The following HCN1 variants were observed in gnomAD, a reference collection of about 807,000 sequenced individuals.
HCN1 encodes hyperpolarization activated cyclic nucleotide gated potassium channel 1, also known as potassium/sodium hyperpolarization-activated cyclic nucleotide-gated channel 1.
In HCN1, 13 loss-of-function variants were observed where a neutral mutation model predicts 78.9. The ratio of observed to expected loss-of-function variants is 0.16; its 90% CI spans 0.11 to 0.26. The LOEUF is 0.26. Ranked by LOEUF, HCN1 falls within the 10% of genes least tolerant of loss-of-function variation. The probability of loss-of-function intolerance (pLI) is 1.00; values close to 1 mark genes in which losing one functional copy is unlikely to be tolerated. For synonymous variants in HCN1, 552 were observed against 455.5 expected (o/e 1.21, Z -2.70); for missense variants, 810 against 1,154.3 (o/e 0.70, Z 4.32).
At chr5:45,318,588 A>G (rs562119881) in intron 5 of HCN1, among the ~76,000 whole-genome samples, 1 of 151,772 alleles carries the variant, frequency 6.6e-6, no homozygotes, top group East Asian at 1.9e-4. Flanking sequence ...TTAATAAAAT[A>G]AAAAGAAAAG....
intron 2 of HCN1, among the ~76,000 whole-genome samples, chr5:45,463,662 C>G (rs774479992): frequency 3.3e-5 from 5 of 152,070 alleles, no homozygotes; most frequent in Non-Finnish European, 5.9e-5. Flanking sequence ...ACTCTACTAA[C>G]AATTTCATCA....
chr5:45,272,202 C>T (rs116804599), intron 6 of HCN1, among the ~76,000 whole-genome samples: 6 of 151,844 alleles, frequency 4.0e-5, no homozygotes, highest in Non-Finnish European at 8.8e-5. Flanking sequence ...TAAACACAGC[C>T]CTTTGTTAGG....
intron 1 of HCN1, among the ~76,000 whole-genome samples, chr5:45,694,163 T>C (rs1404849404): frequency 6.6e-6 from 1 of 152,222 alleles, no homozygotes; most frequent in Non-Finnish European, 1.5e-5. Flanking sequence ...ATCTTTTTAA[T>C]ATGAACATTT....
At chr5:45,338,945 T>C (rs1042737067) in intron 5 of HCN1, among the ~76,000 whole-genome samples, 11 of 152,188 alleles carry the variant, frequency 7.2e-5, no homozygotes, top group Admixed American at 4.6e-4. Context: ...TGTTAACTTA[T>C]GTATAGCATT....
intron 1 of HCN1, among the ~76,000 whole-genome samples, chr5:45,692,847 G>GC (rs2112104853): frequency 6.6e-6 from 1 of 152,248 alleles, no homozygotes; most frequent in East Asian, 1.9e-4. Flanking sequence ...GTCACGACAT[G>GC]CCCTGGAGTA....
intron 5 of HCN1, among the ~76,000 whole-genome samples, chr5:45,347,277 C>T (rs2111973630): frequency 6.6e-6 from 1 of 152,274 alleles, no homozygotes; most frequent in East Asian, 1.9e-4. Flanking sequence ...GGACCTCTAG[C>T]AAACTCCAAC....
intron 1 of HCN1, among the ~76,000 whole-genome samples, chr5:45,668,848 G>T (rs2112072285): frequency 6.6e-6 from 1 of 151,878 alleles, no homozygotes; most frequent in Non-Finnish European, 1.5e-5. Context: ...CTGCACTTAA[G>T]CCAAAATCGT....
Position 45,568,408 on chromosome 5 carries a change from A to T in HCN1, c.849+76777T>A, listed in dbSNP as rs563438343. On this transcript the variant is annotated intron_variant, in intron 2 of 7. Transcript: ENST00000303230. ...TAGGAATGTAAAGTGCAAAATTTGA[A>T]AAAAAAAGCATAATAAATTGGAATG... Among the ~76,000 whole-genome samples the T allele has an allele frequency of 1.4e-4, 21 of 152,064 alleles. No homozygotes were observed. The South Asian group carries it at 4.2e-3, about 30-fold the overall frequency.
At chr5:45,443,663 G>T (rs1740728097) in intron 3 of HCN1, among the ~76,000 whole-genome samples, 1 of 151,952 alleles carries the variant, frequency 6.6e-6, no homozygotes. Flanking sequence ...TTTATGTTAG[G>T]GCTGACATTA....
chr5:45,275,957 T>C (rs1158272748), intron 6 of HCN1, among the ~76,000 whole-genome samples: 1 of 152,170 alleles, frequency 6.6e-6, no homozygotes. Context: ...TAAATGCCTT[T>C]AAAATGCAGC....
At chr5:45,579,094 A>G (rs569912677) in intron 2 of HCN1, among the ~76,000 whole-genome samples, 1 of 152,202 alleles carries the variant, frequency 6.6e-6, no homozygotes, top group Admixed American at 6.6e-5. Context: ...ATCTGTTTAT[A>G]AAATCAAGTA....
chr5:45,598,078 A>T (rs181817020), intron 2 of HCN1, among the ~76,000 whole-genome samples: 1 of 152,160 alleles, frequency 6.6e-6, no homozygotes, highest in African/African-American at 2.4e-5. Context: ...TAAAGCTCAT[A>T]TGGAACCAAA....
intron 2 of HCN1, among the ~76,000 whole-genome samples, chr5:45,526,887 T>C (rs1488220572): frequency 6.6e-6 from 1 of 151,896 alleles, no homozygotes; most frequent in East Asian, 1.9e-4. Context: ...TAATTACCCC[T>C]GCCACACAGA....
intron 6 of HCN1, among the ~76,000 whole-genome samples, chr5:45,292,006 C>T (rs1268244333): frequency 6.6e-6 from 1 of 151,720 alleles, no homozygotes; most frequent in Non-Finnish European, 1.5e-5. Flanking sequence ...ATTTTATTCA[C>T]TATTGCATGA....
chr5:45,335,325 T>G (rs1008553110), intron 5 of HCN1, among the ~76,000 whole-genome samples: 2 of 152,102 alleles, frequency 1.3e-5, no homozygotes, highest in Admixed American at 1.3e-4. Flanking sequence ...CCTAGTTCTA[T>G]TAGGTTCTAC....
At chr5:45,420,746 G>A (rs1023718647) in intron 3 of HCN1, among the ~76,000 whole-genome samples, 11 of 151,858 alleles carry the variant, frequency 7.2e-5, no homozygotes, top group Admixed American at 3.3e-4. Flanking sequence ...TTTACTCCTC[G>A]AAACACTCAG....
At chr5:45,460,841 A>G (rs923281610) in intron 3 of HCN1, among the ~76,000 whole-genome samples, 2 of 151,800 alleles carry the variant, frequency 1.3e-5, no homozygotes, top group African/African-American at 2.4e-5. Flanking sequence ...TCATTAGGAG[A>G]AAAAATCATA....
intron 2 of HCN1, among the ~76,000 whole-genome samples, chr5:45,602,782 G>A (rs531987605): frequency 5.3e-5 from 8 of 152,036 alleles, no homozygotes; most frequent in South Asian, 2.1e-4. Context: ...AAACTCCAGC[G>A]AATACACATG....
chr5:45,347,207 A>C (rs1177397230), intron 5 of HCN1, among the ~76,000 whole-genome samples: 2 of 152,232 alleles, frequency 1.3e-5, no homozygotes, highest in Non-Finnish European at 2.9e-5. Flanking sequence ...TTTGTGGTTC[A>C]CGAAAATCTG....
Sources: gnomAD v4.1 joint callset for allele counts (sites outside exome capture counted in the v4.1 genomes callset) on GRCh38, gnomAD v4.1.1 for gene constraint, MANE v1.5 for transcripts, NCBI Gene and HGNC (gene_info 2026-07-23, HGNC 2026-07-21) for gene names.